FER1L6: variants seen among roughly 807,000 people sequenced by gnomAD.
FER1L6 encodes the protein fer-1 like family member 6.
Under a neutral mutation model 219.2 loss-of-function variants are expected in FER1L6, and 177 were observed. The ratio of observed to expected loss-of-function variants is 0.81; its 90% CI spans 0.71 to 0.91. FER1L6 has a LOEUF of 0.91. FER1L6 is among the 40% of genes least tolerant of loss of function. FER1L6 has a pLI of 0.00. For synonymous variants in FER1L6, 768 were observed against 824.3 expected, an observed-to-expected ratio of 0.93 and a Z score of 1.17; for missense variants, 2,153 against 2,259.9, an observed-to-expected ratio of 0.95 and a Z score of 0.96.
chr8:123,964,246 G>A (rs974451401), intron 3 of FER1L6, among the ~76,000 whole-genome samples: 1 of 152,208 alleles, frequency 6.6e-6, no homozygotes, highest in Non-Finnish European at 1.5e-5. Context: ...GCCAATGACT[G>A]GGGCTAACAA....
At chr8:124,010,522 A>G (rs1817873643) in intron 13 of FER1L6, 72 bp from the exon 14 acceptor site, 23 of 1,580,526 alleles carry the variant, frequency 1.5e-5, no homozygotes, top group South Asian at 5.8e-5. Flanking sequence ...CGTATAAAAC[A>G]TTAACGTGTG....
In FER1L6 at chr8:124,062,043, GCT is replaced by G; in HGVS notation, c.3328+14_3328+15del. On this transcript the variant is annotated intron_variant, in intron 25 of 40. Coordinates refer to ENST00000522917, the MANE Select transcript of FER1L6 (RefSeq NM_001039112.2). The stretch of plus-strand genomic sequence containing the variant: ...CCCAGCCTGGGCACGGTGAGAAGCT[GCT>G]CTTAGATTTTGTAGCTGTAACTATA... The G allele has an allele frequency of 6.2e-7, 1 of 1,613,710 alleles. No homozygotes were observed. Among genetic ancestry groups the G allele is most frequent in the South Asian group, 1.1e-5 (1 of 91,038 alleles).
At chr8:124,034,697 A>C (rs1231846596) in intron 18 of FER1L6, among the ~76,000 whole-genome samples, 1 of 152,222 alleles carries the variant, frequency 6.6e-6, no homozygotes, top group East Asian at 1.9e-4. Flanking sequence ...GGCCAGGTAG[A>C]TTCTTCTAAG....
intron 18 of FER1L6, among the ~76,000 whole-genome samples, chr8:124,031,036 GT>G (rs1470513751): frequency 6.6e-6 from 1 of 151,990 alleles, no homozygotes; most frequent in Admixed American, 6.6e-5. Flanking sequence ...GTTTTTCTCT[GT>G]TGTGTTTTCT....
intron 12 of FER1L6, among the ~76,000 whole-genome samples, chr8:123,990,112 C>A (rs10099581): frequency 6.6e-5 from 10 of 152,094 alleles, no homozygotes; most frequent in African/African-American, 2.2e-4. Context: ...ACTAAAAATA[C>A]AAAAAATTAG....
At chr8:124,059,494 G>C (rs1284530776) in intron 22 of FER1L6, among the ~76,000 whole-genome samples, 6 of 152,186 alleles carry the variant, frequency 3.9e-5, no homozygotes, top group Non-Finnish European at 7.3e-5. Context: ...ACCAGGTTTT[G>C]AGGGCAGTGT....
chr8:124,070,407 C>T, intron 29 of FER1L6, 60 bp from the exon 30 acceptor site: 2 of 1,585,694 alleles, frequency 1.3e-6, no homozygotes, highest in Non-Finnish European at 8.6e-7. Flanking sequence ...TGGCATTTCT[C>T]ATTAAATCAA....
chr8:123,973,570 G>C, intron 7 of FER1L6, 58 bp downstream of exon 7: 1 of 1,271,700 alleles, frequency 7.9e-7, no homozygotes, highest in Non-Finnish European at 1.2e-6. Context: ...ATAGCACCTG[G>C]AGTCATCCCA....
At chr8:124,015,551 C>T (rs2130592813) in intron 15 of FER1L6, among the ~76,000 whole-genome samples, 1 of 92,536 alleles carries the variant, frequency 1.1e-5, no homozygotes. Context: ...GTTTTTGTTT[C>T]TTGTTTTTCA....
rs767280019 is a variant in FER1L6 at position 123,973,429 on chromosome 8, C to T, written c.448-5C>T. The T allele has an allele frequency of 2.9e-5, 46 of 1,612,356 alleles. No individual in the cohort carries two copies. Among genetic ancestry groups the T allele is most frequent in the Non-Finnish European group, 3.6e-5 (43 of 1,178,500 alleles). ...TGCCATACTCCCTGCTCTCTCTCTC[C>T]TCAGGTCTTTCACCACAAGCTGATA... On this transcript the variant is annotated splice_region_variant and splice_polypyrimidine_tract_variant and intron_variant, in intron 6 of 40. Coordinates refer to ENST00000522917, the MANE Select transcript of FER1L6 (RefSeq NM_001039112.2).
intron 1 of FER1L6, chr8:123,939,121 G>T (rs1395925957): frequency 2.0e-6 from 2 of 978,116 alleles, no homozygotes; most frequent in African/African-American, 3.5e-5. Context: ...GTTTGTACTT[G>T]CTGGAAGATG....
At chr8:124,009,698 G>C (rs112248892) in intron 13 of FER1L6, among the ~76,000 whole-genome samples, 1 of 152,086 alleles carries the variant, frequency 6.6e-6, no homozygotes, top group Admixed American at 6.5e-5. Context: ...CATTGATCGG[G>C]AGGTCCAGGA....
At chr8:123,898,752 T>A (rs1173162592) in intron 1 of FER1L6, among the ~76,000 whole-genome samples, 1 of 146,344 alleles carries the variant, frequency 6.8e-6, no homozygotes, top group African/African-American at 2.5e-5. Context: ...ATATATACTA[T>A]ATATACACAT....
chr8:124,027,255 T>C (rs1179706245), intron 18 of FER1L6, among the ~76,000 whole-genome samples: 1 of 152,170 alleles, frequency 6.6e-6, no homozygotes, highest in Non-Finnish European at 1.5e-5. Context: ...ATTCAACCCA[T>C]AACAGAATTC....
chr8:123,870,352 G>A (rs1816905451), intron 1 of FER1L6, among the ~76,000 whole-genome samples: 1 of 152,146 alleles, frequency 6.6e-6, no homozygotes, highest in South Asian at 2.1e-4. Flanking sequence ...GCACGTGAAT[G>A]TTTATAGCAG....
At chr8:124,023,339 G>A (rs1818545486) in intron 17 of FER1L6, 105 bp from the exon 18 acceptor site, 22 of 1,132,716 alleles carry the variant, frequency 1.9e-5, no homozygotes, top group South Asian at 9.7e-5. Context: ...TTGTTTTGTC[G>A]AAGAGGGAAT....
chr8:124,066,545 C>G lies in FER1L6; in HGVS notation c.3673C>G (p.Gln1225Glu), dbSNP rs1820838334. Reference sequence around the variant, plus strand: ...GTATTATGCCTCCCTGAAGAAAGCCCAGAAGGTAGAGTCTCCCCTACCTGT... The same window carrying G: ...GTATTATGCCTCCCTGAAGAAAGCCGAGAAGGTAGAGTCTCCCCTACCTGT... ...SKYYASLKKA[Q>E]KAKERNPKGK... Residue 1225 changes from glutamine to glutamate, a missense_variant, in exon 27 of 41, where the codon CAG (glutamine) becomes GAG (glutamate). By Grantham distance (29) the Gln-to-Glu change is conservative. Coordinates refer to ENST00000522917, the MANE Select transcript of FER1L6 (RefSeq NM_001039112.2). The G allele has an allele frequency of 6.2e-7, 1 of 1,613,576 alleles. No individual in the cohort carries two copies. Among genetic ancestry groups the G allele is most frequent in the Admixed American group, 1.7e-5 (1 of 59,946 alleles).
intron 22 of FER1L6, among the ~76,000 whole-genome samples, chr8:124,050,059 G>A (rs1177280771): frequency 6.6e-6 from 1 of 152,192 alleles, no homozygotes; most frequent in Non-Finnish European, 1.5e-5. Context: ...GGTCATGAAA[G>A]GATACAAAAC....
At chr8:124,031,954 TA>T (rs764684232) in intron 18 of FER1L6, among the ~76,000 whole-genome samples, 1 of 152,240 alleles carries the variant, frequency 6.6e-6, no homozygotes, top group Non-Finnish European at 1.5e-5. Context: ...AATTTGCATA[TA>T]TTTTTTTAAA....
Sources: gnomAD v4.1 joint callset for allele counts (sites outside exome capture counted in the v4.1 genomes callset) on GRCh38, gnomAD v4.1.1 for gene constraint, MANE v1.5 for transcripts, NCBI Gene and HGNC (gene_info 2026-07-23, HGNC 2026-07-21) for gene names.